The following MRPS22 variants were observed in gnomAD, a reference collection of about 807,000 sequenced individuals.
MRPS22 encodes the protein mitochondrial ribosomal protein S22, also known as small ribosomal subunit protein mS22.
A neutral mutation model predicts 44.0 loss-of-function variants in MRPS22; 30 were observed. The observed-to-expected ratio is 0.68, with a 90% confidence interval of 0.51 to 0.93. The LOEUF is 0.93. Ranked by LOEUF, MRPS22 falls within the 40% of genes least tolerant of loss-of-function variation. The pLI, the probability that MRPS22 is intolerant of heterozygous loss-of-function variation, is 0.00. For synonymous variants in MRPS22, 165 were observed against 154.4 expected (o/e 1.07, Z -0.51); for missense variants, 447 against 447.8 (o/e 1.00, Z 0.02).
At chr3:139,347,076 C>T (rs574531595) in intron 2 of MRPS22, 32 bp downstream of exon 2, 1 of 1,612,470 alleles carries the variant, frequency 6.2e-7, no homozygotes, top group Non-Finnish European at 8.5e-7. Context: ...GTTAGAATAC[C>T]TTTCTTTAAG....
chr3:139,354,528 T>A (rs1454717479), intron 6 of MRPS22, among the ~76,000 whole-genome samples: 1 of 152,202 alleles, frequency 6.6e-6, no homozygotes. Context: ...AATAGATTTG[T>A]GATGAACATT....
chr3:139,345,524 C>T (rs1941026152), intron 1 of MRPS22, among the ~76,000 whole-genome samples: 1 of 133,900 alleles, frequency 7.5e-6, no homozygotes, highest in African/African-American at 2.8e-5. Flanking sequence ...ATTAAATGGG[C>T]TGAATGTGTA....
At chr3:139,345,848 G>T (rs1469074182) in intron 1 of MRPS22, among the ~76,000 whole-genome samples, 1 of 152,148 alleles carries the variant, frequency 6.6e-6, no homozygotes, top group Non-Finnish European at 1.5e-5. Context: ...ATCTTGGCAG[G>T]AGATTCAGAT....
intron 1 of MRPS22, 97 bp downstream of exon 1, chr3:139,344,295 T>C: frequency 3.1e-6 from 4 of 1,301,952 alleles, no homozygotes; most frequent in Admixed American, 3.9e-5. Context: ...CCGCGACACG[T>C]ATCCTAGCGC....
chr3:139,349,563 G>C (rs1941108390), intron 3 of MRPS22: 1 of 213,720 alleles, frequency 4.7e-6, no homozygotes, highest in South Asian at 5.8e-5. Context: ...CAAAAATCTT[G>C]TGTGGGGTAA....
At chr3:139,352,427 C>T in intron 5 of MRPS22, 1 of 483,674 alleles carries the variant, frequency 2.1e-6, no homozygotes. Context: ...AGCCACTGTG[C>T]CTGGCCAAAA....
At chr3:139,355,466 C>T (rs934728630) in intron 6 of MRPS22, 12 of 582,324 alleles carry the variant, frequency 2.1e-5, no homozygotes, top group South Asian at 1.2e-4. Context: ...TGCAGTGACT[C>T]CTGCCCTAGC....
At chr3:139,347,727 A>C (rs971475604) in intron 2 of MRPS22, among the ~76,000 whole-genome samples, 1 of 152,208 alleles carries the variant, frequency 6.6e-6, no homozygotes, top group African/African-American at 2.4e-5. Context: ...CAATTTACTT[A>C]ACATCTGTAT....
chr3:139,356,712 A>G (rs1941279567), intron 7 of MRPS22, among the ~76,000 whole-genome samples: 1 of 152,110 alleles, frequency 6.6e-6, no homozygotes, highest in African/African-American at 2.4e-5. Flanking sequence ...TAGAATTAGT[A>G]TTGCTTGAAA....
intron 3 of MRPS22, among the ~76,000 whole-genome samples, chr3:139,349,913 C>T (rs1003250520): frequency 2.6e-5 from 4 of 152,122 alleles, no homozygotes; most frequent in South Asian, 2.1e-4. Context: ...CAGCTTTTTT[C>T]GTATCGAACT....
intron 3 of MRPS22, chr3:139,349,040 C>G (rs1941097907): frequency 3.5e-6 from 1 of 288,520 alleles, no homozygotes; most frequent in Admixed American, 4.9e-5. Context: ...CCATATTAAT[C>G]TTTTATTATA....
At chr3:139,353,621 A>G (rs1941191755) in intron 6 of MRPS22, among the ~76,000 whole-genome samples, 1 of 152,242 alleles carries the variant, frequency 6.6e-6, no homozygotes, top group Non-Finnish European at 1.5e-5. Context: ...AGTTCCACAG[A>G]ACTTATTTTC....
chr3:139,350,844 C>A, intron 4 of MRPS22, 133 bp from the exon 5 acceptor site: 2 of 753,976 alleles, frequency 2.7e-6, no homozygotes, highest in Non-Finnish European at 4.8e-6. Context: ...ATTACAAAGC[C>A]TGTGTTCTTT....
chr3:139,355,617 C>A, intron 6 of MRPS22, 65 bp from the exon 7 acceptor site: 1 of 1,334,990 alleles, frequency 7.5e-7, no homozygotes, highest in Non-Finnish European at 1.1e-6. Flanking sequence ...TTGGCACACA[C>A]TTTTATAGGA....
chr3:139,354,115 A>C (rs76250343), intron 6 of MRPS22, among the ~76,000 whole-genome samples: 1 of 152,276 alleles, frequency 6.6e-6, no homozygotes, highest in East Asian at 1.9e-4. Context: ...GGTCATTCTG[A>C]ACAGAAGAGT....
At chr3:139,345,640 A>G (rs1254669316) in intron 1 of MRPS22, among the ~76,000 whole-genome samples, 1 of 152,000 alleles carries the variant, frequency 6.6e-6, no homozygotes, top group East Asian at 1.9e-4. Context: ...TGTTGTTGTT[A>G]TTACTACTGC....
At chr3:139,344,495 G>A (rs1576360389) in intron 1 of MRPS22, 1 of 610,800 alleles carries the variant, frequency 1.6e-6, no homozygotes. Flanking sequence ...ATGTCCATGG[G>A]GAATTGGCAG....
chr3:139,350,943 C>A, intron 4 of MRPS22, 34 bp from the exon 5 acceptor site: 1 of 1,570,040 alleles, frequency 6.4e-7, no homozygotes, highest in Non-Finnish European at 8.8e-7. Context: ...CTTCAGTGTT[C>A]TCATGTGATG....
At chr3:139,345,617 G>C (rs979697240) in intron 1 of MRPS22, among the ~76,000 whole-genome samples, 1 of 152,094 alleles carries the variant, frequency 6.6e-6, no homozygotes, top group African/African-American at 2.4e-5. Flanking sequence ...TATTACTACA[G>C]CTATTTGATT....
Sources: allele counts gnomAD v4.1 joint callset (sites outside exome capture counted in the v4.1 genomes callset), GRCh38; gene constraint gnomAD v4.1.1; transcripts MANE v1.5; gene names NCBI Gene and HGNC (gene_info 2026-07-23, HGNC 2026-07-21).